The following RABGAP1L variants were observed in gnomAD, a reference collection of about 807,000 sequenced individuals.
RABGAP1L encodes the protein rab GTPase-activating protein 1-like.
In RABGAP1L, 63 loss-of-function variants were observed where a neutral mutation model predicts 137.7. The observed-to-expected ratio is 0.46, with a 90% CI of 0.37 to 0.56. The LOEUF (loss-of-function observed/expected upper bound fraction) is 0.56, where lower values mean the gene tolerates loss of function less well. Ranked by LOEUF, RABGAP1L falls within the 20% of genes least tolerant of loss-of-function variation. The pLI is 0.00. For synonymous variants in RABGAP1L, 431 were observed against 433.7 expected (o/e 0.99, Z 0.08); for missense variants, 1,095 against 1,244.0 (o/e 0.88, Z 1.80).
At chr1:174,292,019 T>TTTA (rs60906954) in intron 10 of RABGAP1L, among the ~76,000 whole-genome samples, 17,552 of 138,898 alleles carry the variant, frequency 0.13, 1,324 homozygotes, top group East Asian at 0.41. Flanking sequence ...GATTAGATCA[T>TTTA]TTATTATTAT....
intron 1 of RABGAP1L, among the ~76,000 whole-genome samples, chr1:174,161,247 TA>T (rs1664418219): frequency 6.7e-6 from 1 of 150,042 alleles, no homozygotes; most frequent in Non-Finnish European, 1.5e-5. Flanking sequence ...TTATTATTAT[TA>T]TTATTATTTT....
intron 11 of RABGAP1L, among the ~76,000 whole-genome samples, chr1:174,327,958 T>TATATATATATATAC (rs1680594478): frequency 8.7e-5 from 1 of 11,514 alleles, no homozygotes; most frequent in African/African-American, 5.6e-4. Flanking sequence ...CAGTTGTAAA[T>TATATATATATATAC]ATATATATAT....
chr1:174,171,263 A>G (rs1392710488), intron 1 of RABGAP1L, among the ~76,000 whole-genome samples: 1 of 152,116 alleles, frequency 6.6e-6, no homozygotes, highest in African/African-American at 2.4e-5. Flanking sequence ...TTTTAATTTT[A>G]TTTTAGCTTA....
chr1:174,523,416 C>A (rs920906674), intron 13 of RABGAP1L, among the ~76,000 whole-genome samples: 10 of 151,860 alleles, frequency 6.6e-5, no homozygotes, highest in African/African-American at 2.4e-4. Context: ...GGGAAAAAAA[C>A]AAACATAAAA....
At chr1:174,740,920 GT>G (rs1229064024) in intron 17 of RABGAP1L, among the ~76,000 whole-genome samples, 1 of 151,354 alleles carries the variant, frequency 6.6e-6, no homozygotes, top group Non-Finnish European at 1.5e-5. Context: ...GGGATTATTT[GT>G]TTTTTTCCTG....
intron 13 of RABGAP1L, among the ~76,000 whole-genome samples, chr1:174,590,495 C>T (rs1207333745): frequency 1.1e-5 from 1 of 91,330 alleles, no homozygotes; most frequent in South Asian, 4.4e-4. Flanking sequence ...TGCTATCCCT[C>T]CCCCCTCCCC....
At chr1:174,163,784 A>G (rs1664698650) in intron 1 of RABGAP1L, among the ~76,000 whole-genome samples, 1 of 151,966 alleles carries the variant, frequency 6.6e-6, no homozygotes. Context: ...TTTTTTAATA[A>G]AAGGCTGATT....
chr1:174,560,333 A>T (rs1667131610), intron 13 of RABGAP1L, among the ~76,000 whole-genome samples: 1 of 152,114 alleles, frequency 6.6e-6, no homozygotes, highest in South Asian at 2.1e-4. Context: ...CCCATATATC[A>T]GTTCTTTTTT....
rs986719928 is a variant in RABGAP1L at position 174,178,974 on chromosome 1, A to C, written c.-34+19317A>C. On this transcript the variant is annotated intron_variant, in intron 1 of 25. Transcript: ENST00000681986. ...TGTAACAAGCCTGCACATTCTGCAC[A>C]TGTATCCCAAAACTGAAAGTAAAAC... Among the ~76,000 whole-genome samples the C allele has an allele frequency of 6.6e-5, 10 of 152,230 alleles. No individual in the cohort carries two copies. In the East Asian group the frequency reaches 1.7e-3, roughly 26 times the overall value.
At chr1:174,543,831 T>G (rs1400638270) in intron 13 of RABGAP1L, among the ~76,000 whole-genome samples, 3 of 152,304 alleles carry the variant, frequency 2.0e-5, no homozygotes, top group South Asian at 2.1e-4. Flanking sequence ...CTGTAAAGGA[T>G]TTTATTTCTC....
At chr1:174,290,578 AC>A (rs1214470003) in intron 10 of RABGAP1L, among the ~76,000 whole-genome samples, 1 of 151,960 alleles carries the variant, frequency 6.6e-6, no homozygotes, top group Non-Finnish European at 1.5e-5. Context: ...AGAGCTTGGG[AC>A]CTCCTATTCT....
chr1:174,696,293 C>G (rs577885391), intron 15 of RABGAP1L, among the ~76,000 whole-genome samples: 92 of 152,110 alleles, frequency 6.0e-4, no homozygotes, highest in African/African-American at 2.2e-3. Context: ...ACTGTTTCCT[C>G]TCTTTTCCAC....
intron 19 of RABGAP1L, among the ~76,000 whole-genome samples, chr1:174,949,902 T>C (rs1174714151): frequency 6.6e-6 from 1 of 152,256 alleles, no homozygotes; most frequent in Non-Finnish European, 1.5e-5. Context: ...CCACAGCTTA[T>C]ACTAGAATGT....
intron 13 of RABGAP1L, among the ~76,000 whole-genome samples, chr1:174,509,372 A>G (rs1662126021): frequency 6.6e-6 from 1 of 152,072 alleles, no homozygotes; most frequent in African/African-American, 2.4e-5. Flanking sequence ...CTTTTTGTAT[A>G]TTTATATACA....
chr1:174,913,381 G>A (rs1000977269), intron 19 of RABGAP1L, among the ~76,000 whole-genome samples: 22 of 152,334 alleles, frequency 1.4e-4, no homozygotes, highest in African/African-American at 4.8e-4. Flanking sequence ...TGTGTGAGAA[G>A]GGTAGCAGCA....
chr1:174,615,341 TCCAGAC>T (rs1428597251), intron 13 of RABGAP1L, among the ~76,000 whole-genome samples: 1 of 152,214 alleles, frequency 6.6e-6, no homozygotes, highest in Non-Finnish European at 1.5e-5. Context: ...GGATGTCCAC[TCCAGAC>T]CCTATTTGCC....
chr1:174,796,024 G>C (rs138386588), intron 18 of RABGAP1L, among the ~76,000 whole-genome samples: 4 of 152,374 alleles, frequency 2.6e-5, no homozygotes, highest in Non-Finnish European at 5.9e-5. Flanking sequence ...CCCAGGCAGA[G>C]AACCTAGGAG....
At chr1:174,850,179 C>A in intron 19 of RABGAP1L, 1 of 413,230 alleles carries the variant, frequency 2.4e-6, no homozygotes, top group Non-Finnish European at 4.7e-6. Flanking sequence ...CTCCTCATAA[C>A]ATGATGCCCT....
intron 19 of RABGAP1L, among the ~76,000 whole-genome samples, chr1:174,901,895 G>A (rs1312808940): frequency 6.6e-6 from 1 of 152,088 alleles, no homozygotes; most frequent in Non-Finnish European, 1.5e-5. Flanking sequence ...GTAGTTTTCT[G>A]TTTGTTTTTC....
Sources: allele counts gnomAD v4.1 joint callset (sites outside exome capture counted in the v4.1 genomes callset), GRCh38; gene constraint gnomAD v4.1.1; transcripts MANE v1.5; gene names NCBI Gene and HGNC (gene_info 2026-07-23, HGNC 2026-07-21).